FDFT1: variants seen among roughly 807,000 people sequenced by gnomAD.
The protein encoded by FDFT1 is squalene synthase.
FDFT1 carries 68 observed loss-of-function variants against 46.8 expected under a neutral mutation model. The ratio of observed to expected loss-of-function variants is 1.45; its 90% CI spans 1.19 to 1.78. The LOEUF (loss-of-function observed/expected upper bound fraction) is 1.78. Ranked by LOEUF, FDFT1 falls within the 40% of genes most tolerant of loss-of-function variation. FDFT1 has a pLI of 0.00. For synonymous variants in FDFT1, 351 were observed against 185.1 expected, an observed-to-expected ratio of 1.90 and a Z score of -7.28; for missense variants, 928 against 524.4, an observed-to-expected ratio of 1.77 and a Z score of -7.52.
chr8:11,810,724 A>G (rs1807597968), intron 3 of FDFT1, among the ~76,000 whole-genome samples: 2 of 152,126 alleles, frequency 1.3e-5, no homozygotes, highest in African/African-American at 4.8e-5. Flanking sequence ...ATATCTTATA[A>G]ATAAAGGTTT....
chr8:11,808,764 C>T (rs1267846794), intron 1 of FDFT1, 30 bp from the exon 2 acceptor site: 1 of 1,594,208 alleles, frequency 6.3e-7, no homozygotes, highest in African/African-American at 1.3e-5. Context: ...CTCGACGTCT[C>T]CCACCGCCGT....
chr8:11,811,850 C>A (rs949559072), intron 3 of FDFT1, among the ~76,000 whole-genome samples: 2 of 152,196 alleles, frequency 1.3e-5, no homozygotes, highest in African/African-American at 4.8e-5. Context: ...TTTTAAGCTA[C>A]TTGAGTTGTA....
At chr8:11,816,246 T>C (rs990935316) in intron 3 of FDFT1, among the ~76,000 whole-genome samples, 1 of 152,202 alleles carries the variant, frequency 6.6e-6, no homozygotes, top group African/African-American at 2.4e-5. Context: ...TTGGTACCAG[T>C]ACCATGCTGT....
At chr8:11,807,183 C>G (rs1585868174) in intron 1 of FDFT1, among the ~76,000 whole-genome samples, 1 of 151,880 alleles carries the variant, frequency 6.6e-6, no homozygotes, top group East Asian at 1.9e-4. Flanking sequence ...AGATGGGGTC[C>G]CACTCTGCAG....
rs536479503 is a variant in FDFT1, at chr8:11,838,954, T to G, written c.*345T>G. ...GGCTAGAATGATAATTAAAAGTATT[T>G]AATTTGAAGCACCATTTGAATGTTC... is the stretch of plus-strand genomic sequence containing the variant. On this transcript the variant is annotated 3_prime_UTR_variant, in exon 8 of 8. Coordinates refer to ENST00000220584, the MANE Select transcript of FDFT1 (RefSeq NM_004462.5). 3.1e-5 allele frequency: 7 copies of G among 224,486 alleles called. No homozygotes were observed. In the East Asian group the frequency reaches 9.3e-4, roughly 30 times the overall value. 13.9% of individuals were successfully genotyped at this position (224,486 alleles called of 1,614,324 possible).
intron 3 of FDFT1, among the ~76,000 whole-genome samples, chr8:11,821,299 T>C (rs1387606972): frequency 1.3e-5 from 2 of 152,188 alleles, no homozygotes; most frequent in African/African-American, 4.8e-5. Flanking sequence ...TATGAAATAA[T>C]AAGAAACATG....
chr8:11,826,123 G>C lies in FDFT1; in HGVS notation c.610G>C (p.Ala204Pro). ...DPLVGEDTER[A>P]NSMGLFLQKT... ...CTTAGTTGGTGAAGATACAGAACGT[G>C]CCAACTCTATGGGCCTGTTTTTGCA... The change falls in exon 5 of 8, where the codon GCC becomes CCC. Residue 204 changes from alanine to proline, a missense_variant. Coordinates refer to ENST00000220584, the MANE Select transcript of FDFT1 (RefSeq NM_004462.5). The C allele has an allele frequency of 6.2e-7, 1 of 1,609,614 alleles. No individual in the cohort carries two copies. Among genetic ancestry groups the C allele is most frequent in the South Asian group, 1.1e-5 (1 of 90,696 alleles).
Position 11,809,778 on chromosome 8 carries a change from C to T in FDFT1, c.309C>T (p.Phe103=), listed in dbSNP as rs574536561. The part of the protein sequence containing the change: ...KVPLLHNFHS[F]LYQPDWRFME... Reference sequence around the variant, plus strand: ...CGCTGTTACACAACTTTCACTCTTTCCTTTACCAACCAGACTGGCGGTTCA... The same window carrying T: ...CGCTGTTACACAACTTTCACTCTTTTCTTTACCAACCAGACTGGCGGTTCA... The change falls in exon 3 of 8, where the codon TTC becomes TTT. Residue 103 remains phenylalanine, a synonymous_variant. Transcript: ENST00000220584. 7 of 1,614,200 alleles carry T rather than the reference C, an allele frequency of 4.3e-6. No homozygotes were observed. In the East Asian group the frequency reaches 6.7e-5, roughly 15 times the overall value.
chr8:11,835,314 C>G (rs143630585), intron 7 of FDFT1, among the ~76,000 whole-genome samples: 7 of 152,102 alleles, frequency 4.6e-5, no homozygotes, highest in African/African-American at 1.2e-4. Flanking sequence ...GGTCTAGCAA[C>G]GAAGCATCTA....
chr8:11,828,857 G>A (rs1186519882), intron 5 of FDFT1, among the ~76,000 whole-genome samples: 3 of 152,074 alleles, frequency 2.0e-5, no homozygotes, highest in Admixed American at 6.5e-5. Context: ...CCTTTTTATC[G>A]CCTAGTATTA....
chr8:11,806,936 T>C (rs1258705494), intron 1 of FDFT1, among the ~76,000 whole-genome samples: 1 of 152,222 alleles, frequency 6.6e-6, no homozygotes, highest in Non-Finnish European at 1.5e-5. Context: ...CTAATATTTT[T>C]TATGGCAATA....
chr8:11,811,726 G>A (rs1013692218), intron 3 of FDFT1, among the ~76,000 whole-genome samples: 35 of 152,260 alleles, frequency 2.3e-4, no homozygotes, highest in Admixed American at 1.3e-4. Flanking sequence ...CCCGGGAAGA[G>A]TAAAAGGGAG....
intron 3 of FDFT1, among the ~76,000 whole-genome samples, chr8:11,818,283 C>T (rs1436852848): frequency 1.3e-5 from 2 of 152,098 alleles, no homozygotes; most frequent in South Asian, 2.1e-4. Flanking sequence ...TCTTCCAATT[C>T]TGTGGTCAAT....
At chr8:11,814,443 A>G (rs1055108539) in intron 3 of FDFT1, among the ~76,000 whole-genome samples, 4 of 152,062 alleles carry the variant, frequency 2.6e-5, no homozygotes, top group Middle Eastern at 3.4e-3. Flanking sequence ...GTGTATTCCG[A>G]GGAAGTTTTT....
Position 11,802,905 on chromosome 8 carries a change from CG to C in FDFT1, c.75del (p.Lys26ArgfsTer2). 6.2e-7 allele frequency: 1 copy of C among 1,610,788 alleles called. No homozygotes were observed. The highest frequency in any genetic ancestry group is 1.3e-5 in the African/African-American group (1 of 74,918). On this transcript the variant is annotated frameshift_variant, in exon 1 of 8. Transcript: ENST00000220584. LOFTEE classifies it high-confidence loss of function. ...NLVRFRIGGK[R>X]KVMPKMDQDS... ...GGTGCGCTTCCGGATCGGGGGCAAGCGGAAGGTGATGCCCAAGATGGACCAG... is the reference window on the plus strand; with the variant it reads ...GGTGCGCTTCCGGATCGGGGGCAAGCGAAGGTGATGCCCAAGATGGACCAG...
intron 7 of FDFT1, among the ~76,000 whole-genome samples, chr8:11,832,432 C>G (rs572276935): frequency 6.0e-5 from 9 of 151,186 alleles, no homozygotes; most frequent in South Asian, 4.2e-4. Context: ...CGCCTGTGGT[C>G]CCAGCTACTC....
intron 1 of FDFT1, among the ~76,000 whole-genome samples, chr8:11,806,242 C>G (rs1055669675): frequency 3.9e-5 from 6 of 152,126 alleles, no homozygotes; most frequent in African/African-American, 1.4e-4. Context: ...TGGGAGTGTG[C>G]TGAATCTCAG....
chr8:11,804,387 G>A (rs1806536417), intron 1 of FDFT1, among the ~76,000 whole-genome samples: 1 of 152,158 alleles, frequency 6.6e-6, no homozygotes, highest in Non-Finnish European at 1.5e-5. Context: ...AGACTTCACA[G>A]TATACTGTTT....
intron 5 of FDFT1, 84 bp from the exon 6 acceptor site, chr8:11,830,160 T>G: frequency 1.8e-6 from 2 of 1,140,406 alleles, no homozygotes; most frequent in Non-Finnish European, 2.7e-6. Flanking sequence ...TCATAGTTCT[T>G]ATGCACAAAG....
Sources: gnomAD v4.1 joint callset for allele counts (sites outside exome capture counted in the v4.1 genomes callset) on GRCh38, gnomAD v4.1.1 for gene constraint, MANE v1.5 for transcripts, NCBI Gene and HGNC (gene_info 2026-07-23, HGNC 2026-07-21) for gene names.